ARHGAP20: variants seen among roughly 807,000 people sequenced by gnomAD.
ARHGAP20 encodes rho GTPase-activating protein 20.
A neutral mutation model predicts 73.7 loss-of-function variants in ARHGAP20; 34 were observed. That is an observed-to-expected ratio of 0.46 (90% CI 0.35 to 0.61). The LOEUF is 0.61. Ranked by LOEUF, ARHGAP20 falls within the 20% of genes least tolerant of loss-of-function variation. The probability of loss-of-function intolerance (pLI) is 0.00; values close to 1 mark genes in which losing one functional copy is unlikely to be tolerated. For synonymous variants in ARHGAP20, 523 were observed against 518.2 expected, an observed-to-expected ratio of 1.01 and a Z score of -0.13; for missense variants, 1,314 against 1,420.9, an observed-to-expected ratio of 0.92 and a Z score of 1.21.
chr11:110,587,912 G>T (rs552317999), intron 11 of ARHGAP20, among the ~76,000 whole-genome samples: 2 of 152,280 alleles, frequency 1.3e-5, no homozygotes, highest in East Asian at 3.9e-4. Context: ...TAAAGTGATT[G>T]AATTTTCATA....
intron 7 of ARHGAP20, among the ~76,000 whole-genome samples, chr11:110,610,223 T>G (rs941472954): frequency 6.6e-6 from 1 of 152,120 alleles, no homozygotes; most frequent in Non-Finnish European, 1.5e-5. Flanking sequence ...ATTACAAAAT[T>G]TAACGAATTA....
At chr11:110,705,331 C>T (rs1057228282) in intron 1 of ARHGAP20, among the ~76,000 whole-genome samples, 5 of 152,072 alleles carry the variant, frequency 3.3e-5, no homozygotes, top group Admixed American at 2.0e-4. Context: ...GCCGCCCTTT[C>T]GCCAAATCAT....
At position 110,689,000 on chromosome 11, in the gene ARHGAP20, T is replaced by C. The variant is rs727271; in HGVS notation, c.188+1547A>G. Among the ~76,000 whole-genome samples the C allele has an allele frequency of 6.4e-3, 449 of 70,568 alleles. 5 individuals are homozygous for C. The highest frequency in any genetic ancestry group is 0.034 in the African/African-American group (400 of 11,912). 46.3% of individuals were successfully genotyped at this position (70,568 alleles called of 152,430 possible). Reference sequence around the variant, plus strand: ...GAAAAACTTCCATACTTTCATATAGTTTTTTTTTTTTTTTTGGAGATGGAG... The same window carrying C: ...GAAAAACTTCCATACTTTCATATAGCTTTTTTTTTTTTTTTGGAGATGGAG... On this transcript the variant is annotated intron_variant, in intron 2 of 14. Transcript: ENST00000683387.
chr11:110,589,750 A>T (rs1947774323), intron 11 of ARHGAP20: 1 of 952,780 alleles, frequency 1.0e-6, no homozygotes. Flanking sequence ...AAAGTGTAAG[A>T]ACCACAAAGA....
chr11:110,626,552 C>T (rs1948748153), intron 3 of ARHGAP20, among the ~76,000 whole-genome samples: 2 of 152,176 alleles, frequency 1.3e-5, no homozygotes, highest in South Asian at 2.1e-4. Flanking sequence ...TGCTAAAAGT[C>T]ACACAGCTTA....
rs1234598781 is a variant in ARHGAP20, at chr11:110,579,607, A to G, written c.3339T>C (p.Ser1113=). The G allele has an allele frequency of 1.2e-6, 2 of 1,613,964 alleles. No homozygotes were observed. Among genetic ancestry groups the G allele is most frequent in the Non-Finnish European group, 1.7e-6 (2 of 1,179,970 alleles). The change falls in exon 15 of 15, where the codon TCT becomes TCC. Residue 1113 remains serine, a synonymous_variant. Transcript: ENST00000683387. ...AGTGTCTCTCTGAGTCCTGGAAGGG[A>G]GAAGAACTACACCTTTGGGCTGACT... ...PVQSAQRCSS[S]PFQDSERHCS...
chr11:110,688,277 CT>C lies in ARHGAP20; in HGVS notation c.188+2269del, dbSNP rs1227662935. Reference sequence around the variant, plus strand: ...CCCTAGAGGTTAGTAACACCCCCTCCTCCCCCCGCCCCCAATGTGAACCACT... The same window carrying C: ...CCCTAGAGGTTAGTAACACCCCCTCCCCCCCCGCCCCCAATGTGAACCACT... On this transcript the variant is annotated intron_variant, in intron 2 of 14. Transcript: ENST00000683387. Among the ~76,000 whole-genome samples, 3 of 151,912 alleles carry C rather than the reference CT, an allele frequency of 2.0e-5. No homozygotes were observed. The East Asian group carries it at 5.8e-4, about 29-fold the overall frequency.
chr11:110,625,333 A>G (rs9787963), intron 3 of ARHGAP20, among the ~76,000 whole-genome samples: 48,989 of 151,338 alleles, frequency 0.32, 8,331 homozygotes, highest in African/African-American at 0.42. Context: ...CACCGTGCCC[A>G]GCCAGGATTT....
chr11:110,587,086 C>CACAA lies in ARHGAP20; in HGVS notation c.1306-765_1306-762dup, dbSNP rs144280048. Among the ~76,000 whole-genome samples, 380 of 152,286 alleles carry CACAA rather than the reference C, an allele frequency of 2.5e-3. 2 individuals carry two copies. Among genetic ancestry groups the CACAA allele is most frequent in the South Asian group, 0.024 (114 of 4,828 alleles). On this transcript the variant is annotated intron_variant, in intron 11 of 14. Transcript: ENST00000683387. ...TGAGTGTGGTAAGGCTGAACTATGA[C>CACAA]ACAAACAGGATATGACCAAGTATGT...
Position 110,630,786 on chromosome 11 carries a change from A to G in ARHGAP20, c.195T>C (p.Ser65=), listed in dbSNP as rs200179731. The change falls in exon 3 of 15, where the codon AGT becomes AGC. Residue 65 remains serine, a synonymous_variant. Transcript: ENST00000683387. ...TGCATGTGTCAACACTAGCAGAAGG[A>G]CTGTCCCTGTAACAGATCAAATGCC... is the stretch of plus-strand genomic sequence containing the variant. ...ALQKRPTTRD[S]PSASVDTCTF... The G allele has an allele frequency of 1.9e-6, 3 of 1,613,722 alleles. No individual in the cohort carries two copies. Among genetic ancestry groups the G allele is most frequent in the Non-Finnish European group, 1.7e-6 (2 of 1,179,848 alleles).
intron 6 of ARHGAP20, among the ~76,000 whole-genome samples, chr11:110,612,821 CAATTTCA>C (rs1489225774): frequency 2.6e-5 from 4 of 152,108 alleles, no homozygotes; most frequent in Admixed American, 2.6e-4. Flanking sequence ...TTAAAATGCA[CAATTTCA>C]AACTGTGTTC....
At chr11:110,701,230 C>G (rs1202792528) in intron 1 of ARHGAP20, among the ~76,000 whole-genome samples, 1 of 151,630 alleles carries the variant, frequency 6.6e-6, no homozygotes, top group African/African-American at 2.4e-5. Flanking sequence ...TATTTCTCCA[C>G]ATCCTATCCA....
At chr11:110,663,470 A>G (rs909290032) in intron 2 of ARHGAP20, among the ~76,000 whole-genome samples, 47 of 151,868 alleles carry the variant, frequency 3.1e-4, no homozygotes, top group African/African-American at 1.1e-3. Flanking sequence ...ATGAAAAACT[A>G]TATGGCTATA....
chr11:110,677,317 A>T (rs548862395), intron 2 of ARHGAP20, among the ~76,000 whole-genome samples: 1 of 152,206 alleles, frequency 6.6e-6, no homozygotes, highest in South Asian at 2.1e-4. Flanking sequence ...AATGACAAGC[A>T]CATGAAAGAA....
At chr11:110,696,935 G>A (rs1393975436) in intron 1 of ARHGAP20, among the ~76,000 whole-genome samples, 1 of 151,674 alleles carries the variant, frequency 6.6e-6, no homozygotes, top group Admixed American at 6.6e-5. Flanking sequence ...AGTATTCCAT[G>A]GTGTATTTAT....
intron 2 of ARHGAP20, among the ~76,000 whole-genome samples, chr11:110,666,885 A>G (rs1817014): frequency 6.6e-6 from 1 of 152,224 alleles, no homozygotes; most frequent in African/African-American, 2.4e-5. Flanking sequence ...ATCAGGACAG[A>G]TCAAACCAGC....
intron 3 of ARHGAP20, among the ~76,000 whole-genome samples, chr11:110,624,797 T>C (rs1036442077): frequency 1.2e-4 from 19 of 152,244 alleles, no homozygotes; most frequent in South Asian, 2.1e-4. Flanking sequence ...CTTTGAAACA[T>C]TGGTGAAACA....
intron 2 of ARHGAP20, among the ~76,000 whole-genome samples, chr11:110,646,754 A>C (rs1404707379): frequency 6.6e-6 from 1 of 152,134 alleles, no homozygotes; most frequent in Non-Finnish European, 1.5e-5. Flanking sequence ...ATGATTGCCT[A>C]CAGTACATGA....
intron 1 of ARHGAP20, among the ~76,000 whole-genome samples, chr11:110,707,814 G>T (rs1950576078): frequency 6.6e-6 from 1 of 151,344 alleles, no homozygotes; most frequent in Non-Finnish European, 1.5e-5. Context: ...CTAATTCGGG[G>T]TTATGTTTGT....
Sources: allele counts gnomAD v4.1 joint callset (sites outside exome capture counted in the v4.1 genomes callset), GRCh38; gene constraint gnomAD v4.1.1; transcripts MANE v1.5; gene names NCBI Gene and HGNC (gene_info 2026-07-23, HGNC 2026-07-21).